Variants in INPP5B observed in about 807,000 individuals in gnomAD.
INPP5B encodes the protein type II inositol 1,4,5-trisphosphate 5-phosphatase.
In INPP5B, 90 loss-of-function variants were observed where a neutral mutation model predicts 118.5. The observed-to-expected ratio is 0.76, with a 90% confidence interval of 0.64 to 0.90. The LOEUF is 0.90. INPP5B is among the 40% of genes least tolerant of loss of function. INPP5B has a pLI of 0.00. For missense variants in INPP5B, 984 were observed against 1,125.6 expected, an observed-to-expected ratio of 0.87 and a Z score of 1.80; for synonymous variants, 385 against 418.9, an observed-to-expected ratio of 0.92 and a Z score of 0.99.
intron 6 of INPP5B, among the ~76,000 whole-genome samples, chr1:37,935,760 T>G (rs751770425): frequency 3.9e-5 from 6 of 152,048 alleles, no homozygotes; most frequent in Non-Finnish European, 8.8e-5. Context: ...CTTATCACTC[T>G]CCAGCTTAAA....
Position 37,862,242 on chromosome 1 carries a change from A to G in INPP5B, c.*73T>C. On this transcript the variant is annotated 3_prime_UTR_variant, in exon 24 of 24. Coordinates refer to ENST00000373024, the MANE Select transcript of INPP5B (RefSeq NM_005540.3). ...CCAAGTGGCCTCACATAATTATCTT[A>G]AGGCATCTCTTGAGCTGAAACAGGT... is the stretch of plus-strand genomic sequence containing the variant. 1.0e-6 allele frequency: 1 copy of G among 963,572 alleles called. No individual in the cohort carries two copies. Among genetic ancestry groups the G allele is most frequent in the South Asian group, 1.3e-5 (1 of 74,864 alleles). The allele number at this position is 963,572 out of a possible 1,614,324, so 59.7% of individuals were successfully genotyped here.
chr1:37,897,123 C>G (rs1644139899), intron 7 of INPP5B, among the ~76,000 whole-genome samples: 1 of 150,844 alleles, frequency 6.6e-6, no homozygotes, highest in Non-Finnish European at 1.5e-5. Flanking sequence ...GGGGTCAGAC[C>G]CCCGTCCGGC....
chr1:37,891,275 C>G, intron 8 of INPP5B, 83 bp downstream of exon 8: 1 of 919,406 alleles, frequency 1.1e-6, no homozygotes, highest in Non-Finnish European at 1.7e-6. Flanking sequence ...CCTGGGACAA[C>G]TTACATTATA....
intron 7 of INPP5B, among the ~76,000 whole-genome samples, chr1:37,910,317 C>A (rs1644651620): frequency 6.6e-6 from 1 of 152,146 alleles, no homozygotes; most frequent in Non-Finnish European, 1.5e-5. Context: ...GGCGTCTAAA[C>A]CTCCTAAAAC....
chr1:37,880,012 C>T (rs1643094729), intron 15 of INPP5B, 73 bp downstream of exon 15: 14 of 924,186 alleles, frequency 1.5e-5, no homozygotes, highest in Non-Finnish European at 2.4e-5. Context: ...TTCCTTAGGT[C>T]CAAAAGGGCA....
chr1:37,870,205 C>A (rs1160568673), intron 19 of INPP5B, among the ~76,000 whole-genome samples: 1 of 151,610 alleles, frequency 6.6e-6, no homozygotes, highest in East Asian at 1.9e-4. Context: ...CAGACTTGAA[C>A]TCCCAGGCTC....
chr1:37,866,438 A>T, intron 21 of INPP5B, 21 bp downstream of exon 21: 1 of 1,270,170 alleles, frequency 7.9e-7, no homozygotes, highest in Non-Finnish European at 1.2e-6. Context: ...ACACACACAG[A>T]GCTGAATGTC....
chr1:37,906,859 CA>C (rs35095328), intron 7 of INPP5B, among the ~76,000 whole-genome samples: 95,548 of 128,680 alleles, frequency 0.74, 34,891 homozygotes, highest in African/African-American at 0.88. Context: ...GACTCTGTCT[CA>C]AAAAAAAAAA....
intron 8 of INPP5B, 129 bp from the exon 9 acceptor site, chr1:37,889,853 T>G: frequency 1.7e-6 from 1 of 584,444 alleles, no homozygotes; most frequent in East Asian, 2.7e-5. Context: ...AAAGTAAAAT[T>G]TATCTACTAA....
At chr1:37,939,100 A>G (rs1419484619) in intron 6 of INPP5B, among the ~76,000 whole-genome samples, 1 of 151,740 alleles carries the variant, frequency 6.6e-6, no homozygotes, top group Admixed American at 6.6e-5. Flanking sequence ...AGGCTGAAGC[A>G]GGAGAATCGC....
At chr1:37,878,599 C>T (rs1289593669) in intron 15 of INPP5B, 2 of 490,230 alleles carry the variant, frequency 4.1e-6, no homozygotes, top group Admixed American at 6.4e-5. Flanking sequence ...AATTAAAAAA[C>T]CAATCTGACA....
rs772012413 is a variant in INPP5B at position 37,882,921 on chromosome 1, G to GT, written c.1320-4dup. 1.2e-6 allele frequency: 2 copies of GT among 1,614,104 alleles called. No homozygotes were observed. The highest frequency in any genetic ancestry group is 8.5e-7 in the Non-Finnish European group (1 of 1,179,972). Reference sequence around the variant, plus strand: ...GGTCCCCCAGCCACAAGATCACACTGTGAGGACAGAGCACAAAGGTAACAG... The same window carrying GT: ...GGTCCCCCAGCCACAAGATCACACTGTTGAGGACAGAGCACAAAGGTAACAG... On this transcript the variant is annotated splice_polypyrimidine_tract_variant and splice_region_variant and intron_variant, in intron 13 of 23. Transcript: ENST00000373024.
chr1:37,894,935 A>G (rs1411634309), intron 7 of INPP5B, among the ~76,000 whole-genome samples: 1 of 152,198 alleles, frequency 6.6e-6, no homozygotes, highest in Non-Finnish European at 1.5e-5. Context: ...ATTGTCTCCA[A>G]AATATAACAA....
At chr1:37,942,522 CTAT>C (rs71889740) in intron 5 of INPP5B, among the ~76,000 whole-genome samples, 3,565 of 152,196 alleles carry the variant, frequency 0.023, 140 homozygotes, top group African/African-American at 0.082. Flanking sequence ...TTATTTGCTT[CTAT>C]TATTATTATT....
In INPP5B at chr1:37,872,965, T is replaced by C. The variant is rs763274209; in HGVS notation, c.2152A>G (p.Ile718Val). 8.1e-6 allele frequency: 13 copies of C among 1,614,004 alleles called. No homozygotes were observed. The highest frequency in any genetic ancestry group is 6.7e-5 in the East Asian group (3 of 44,890). ...IHTLCYMREP[I>V]LDLPLETISE... Reference sequence around the variant, plus strand: ...ATGGTTTCAAGTGGTAGGTCCAAGATTGGCTCTCTCATGTAACACAGTGTA... The same window carrying C: ...ATGGTTTCAAGTGGTAGGTCCAAGACTGGCTCTCTCATGTAACACAGTGTA... Residue 718 changes from isoleucine (I) to valine (V), a missense_variant, in exon 19 of 24, where the codon ATC (isoleucine) becomes GTC (valine). Coordinates refer to ENST00000373024, the MANE Select transcript of INPP5B (RefSeq NM_005540.3).
At chr1:37,936,721 CTTTTT>C (rs1186118337) in intron 6 of INPP5B, among the ~76,000 whole-genome samples, 1 of 136,104 alleles carries the variant, frequency 7.3e-6, no homozygotes, top group Non-Finnish European at 1.6e-5. Context: ...TGGAGCAGAA[CTTTTT>C]TTTTTTTTTT....
In INPP5B at chr1:37,864,436, G is replaced by A. The variant is rs1280624269; in HGVS notation, c.2515-13C>T. On this transcript the variant is annotated splice_polypyrimidine_tract_variant and intron_variant, in intron 22 of 23. Transcript: ENST00000373024. The stretch of plus-strand genomic sequence containing the variant: ...GAGTAGAAATGACCTGAAAGAGGAA[G>A]AACCGGGATTTGTCTTTTGTTCACT... The A allele has an allele frequency of 7.4e-6, 11 of 1,477,536 alleles. No homozygotes were observed. The highest frequency in any genetic ancestry group is 1.0e-5 in the Non-Finnish European group (11 of 1,057,028). The allele number at this position is 1,477,536 out of a possible 1,614,324, so 91.5% of individuals were successfully genotyped here.
chr1:37,904,247 C>T (rs1644429193), intron 7 of INPP5B, among the ~76,000 whole-genome samples: 1 of 152,108 alleles, frequency 6.6e-6, no homozygotes, highest in Admixed American at 6.6e-5. Context: ...ATCACTTGAA[C>T]CCAGGAGGCA....
At chr1:37,890,652 A>G (rs945964562) in intron 8 of INPP5B, among the ~76,000 whole-genome samples, 2 of 152,110 alleles carry the variant, frequency 1.3e-5, no homozygotes, top group East Asian at 3.8e-4. Context: ...ATAAAACAGG[A>G]AAAAAAGTCA....
Sources: allele counts gnomAD v4.1 joint callset (sites outside exome capture counted in the v4.1 genomes callset), GRCh38; gene constraint gnomAD v4.1.1; transcripts MANE v1.5; gene names NCBI Gene and HGNC (gene_info 2026-07-23, HGNC 2026-07-21).